Variants in CEP112 observed in about 807,000 individuals in gnomAD.
The protein encoded by CEP112 is centrosomal protein of 112 kDa.
A neutral mutation model predicts 153.0 loss-of-function variants in CEP112; 127 were observed. That is an observed-to-expected ratio of 0.83 (90% CI 0.72 to 0.96). The LOEUF (loss-of-function observed/expected upper bound fraction) is 0.96. Among genes scored for constraint, CEP112 ranks in the 40% least tolerant of loss-of-function variants. The pLI, the probability that CEP112 is intolerant of heterozygous loss-of-function variation, is 0.00. For missense variants in CEP112, 1,089 were observed against 1,101.2 expected (o/e 0.99, Z 0.16); for synonymous variants, 358 against 374.4 (o/e 0.96, Z 0.51).
At position 66,101,005 on chromosome 17, in the gene CEP112, G is replaced by T. The variant is rs116152398; in HGVS notation, c.643-4373C>A. ...GGAAGGAAGGAGGATGTTCTGGAAT[G>T]AATCAACTCTTGATACTGAGAGATG... On this transcript the variant is annotated intron_variant, in intron 6 of 26. Transcript: ENST00000535342. 7.5e-3 allele frequency among the ~76,000 whole-genome samples: 1,146 copies of T among 152,192 alleles called. 14 individuals are homozygous for T. Among genetic ancestry groups the T allele is most frequent in the African/African-American group, 0.026 (1,083 of 41,560 alleles).
intron 8 of CEP112, among the ~76,000 whole-genome samples, chr17:66,091,061 A>G (rs191308649): frequency 1.6e-4 from 24 of 152,218 alleles, no homozygotes; most frequent in African/African-American, 5.3e-4. Flanking sequence ...ATAAAAGGAG[A>G]GAAGGAGTGT....
At chr17:65,852,272 C>T (rs1475917477) in intron 20 of CEP112, among the ~76,000 whole-genome samples, 4 of 53,702 alleles carry the variant, frequency 7.4e-5, no homozygotes, top group Non-Finnish European at 1.5e-4. Context: ...TTCCCTCCCT[C>T]CCTCCTTCCC....
chr17:65,902,096 C>T (rs1422302409), intron 20 of CEP112, 56 bp downstream of exon 20: 28 of 1,271,172 alleles, frequency 2.2e-5, no homozygotes, highest in East Asian at 7.6e-5. Context: ...AAACATTAAA[C>T]GCTGATGACT....
At chr17:66,067,706 C>A (rs1185416434) in intron 9 of CEP112, among the ~76,000 whole-genome samples, 3 of 151,854 alleles carry the variant, frequency 2.0e-5, no homozygotes, top group African/African-American at 7.3e-5. Context: ...GAAAGAAATA[C>A]GTTATCTGAG....
chr17:65,777,091 C>T (rs750358147), intron 21 of CEP112, among the ~76,000 whole-genome samples: 4 of 152,072 alleles, frequency 2.6e-5, no homozygotes, highest in South Asian at 2.1e-4. Context: ...GTCATGTGAC[C>T]GCATTTAGGT....
intron 12 of CEP112, among the ~76,000 whole-genome samples, chr17:66,041,323 CAG>C: frequency 6.9e-6 from 1 of 145,602 alleles, no homozygotes; most frequent in Non-Finnish European, 1.5e-5. Context: ...GCAAATAGAG[CAG>C]AGTTTAAATG....
At chr17:65,851,385 T>C (rs1230168719) in intron 21 of CEP112, among the ~76,000 whole-genome samples, 2 of 152,214 alleles carry the variant, frequency 1.3e-5, no homozygotes, top group Non-Finnish European at 2.9e-5. Flanking sequence ...ATCATTTATG[T>C]GACACTGTTA....
chr17:65,946,284 G>A (rs2111403), intron 18 of CEP112, among the ~76,000 whole-genome samples: 63,128 of 151,966 alleles, frequency 0.42, 14,517 homozygotes, highest in East Asian at 0.87. Flanking sequence ...CTACATCTTC[G>A]TTTGAAAATT....
chr17:65,648,924 G>A (rs1165125337), intron 24 of CEP112, among the ~76,000 whole-genome samples: 3 of 152,074 alleles, frequency 2.0e-5, no homozygotes, highest in Admixed American at 6.6e-5. Flanking sequence ...GGTGGCAGGC[G>A]CCTGTAATCC....
chr17:66,023,671 G>A (rs1345277133), intron 16 of CEP112, among the ~76,000 whole-genome samples: 1 of 151,812 alleles, frequency 6.6e-6, no homozygotes, highest in African/African-American at 2.4e-5. Context: ...AGGAGGAAGA[G>A]AAAGAAATTA....
intron 21 of CEP112, among the ~76,000 whole-genome samples, chr17:65,774,639 G>A (rs980330943): frequency 1.3e-5 from 2 of 152,186 alleles, no homozygotes; most frequent in African/African-American, 4.8e-5. Context: ...TGTCTCCGTG[G>A]GTGCTGGGTG....
intron 12 of CEP112, among the ~76,000 whole-genome samples, chr17:66,041,713 C>T (rs1357001791): frequency 6.6e-6 from 1 of 152,060 alleles, no homozygotes; most frequent in African/African-American, 2.4e-5. Context: ...AAAGCTGGAA[C>T]AATTTGAGCA....
At chr17:65,660,691 T>G (rs2046345735) in intron 24 of CEP112, among the ~76,000 whole-genome samples, 1 of 147,602 alleles carries the variant, frequency 6.8e-6, no homozygotes, top group Admixed American at 6.9e-5. Context: ...ACTACAGGCG[T>G]GTACCACCAT....
At chr17:65,810,823 G>A (rs1330230412) in intron 21 of CEP112, among the ~76,000 whole-genome samples, 1 of 152,142 alleles carries the variant, frequency 6.6e-6, no homozygotes, top group African/African-American at 2.4e-5. Flanking sequence ...TACTAGTGAA[G>A]ACCTTAGACA....
At chr17:65,826,335 A>G in intron 21 of CEP112, 1 of 1,613,370 alleles carries the variant, frequency 6.2e-7, no homozygotes, top group Non-Finnish European at 8.5e-7. Flanking sequence ...AGAAGCAGTG[A>G]TGAGAGCCCT....
chr17:65,782,552 C>T (rs1466244872), intron 21 of CEP112, among the ~76,000 whole-genome samples: 3 of 152,166 alleles, frequency 2.0e-5, no homozygotes, highest in Non-Finnish European at 2.9e-5. Flanking sequence ...GTGCTCACTG[C>T]AGCACTATTC....
At chr17:65,758,239 G>A (rs1447664599) in intron 21 of CEP112, among the ~76,000 whole-genome samples, 2 of 152,048 alleles carry the variant, frequency 1.3e-5, no homozygotes, top group African/African-American at 4.8e-5. Context: ...GGTTCTTTCT[G>A]ACTGTTGCCA....
chr17:65,860,713 A>G (rs2146389245), intron 20 of CEP112, among the ~76,000 whole-genome samples: 1 of 152,336 alleles, frequency 6.6e-6, no homozygotes, highest in African/African-American at 2.4e-5. Flanking sequence ...GCAAGCCCCT[A>G]TCTTACACAA....
chr17:65,898,596 C>A lies in CEP112; in HGVS notation c.2163+3556G>T, dbSNP rs546100360. ...TTGTTCATATTAGATTTATGATGCT[C>A]AGTGTAGGGAATTAAGAAAGGCATT... On this transcript the variant is annotated intron_variant, in intron 20 of 26. Coordinates refer to ENST00000535342, the MANE Select transcript of CEP112 (RefSeq NM_001199165.4). 2.9e-3 allele frequency among the ~76,000 whole-genome samples: 440 copies of A among 152,224 alleles called. 2 individuals are homozygous for A. The highest frequency in any genetic ancestry group is 6.8e-3 in the Middle Eastern group (2 of 294).
Sources: allele counts gnomAD v4.1 joint callset (sites outside exome capture counted in the v4.1 genomes callset), GRCh38; gene constraint gnomAD v4.1.1; transcripts MANE v1.5; gene names NCBI Gene and HGNC (gene_info 2026-07-23, HGNC 2026-07-21).